The following WDR88 variants were observed in gnomAD, a reference collection of about 807,000 sequenced individuals.
WDR88 encodes WD repeat domain 88.
A neutral mutation model predicts 46.8 loss-of-function variants in WDR88; 40 were observed. The ratio of observed to expected loss-of-function variants is 0.86; its 90% CI spans 0.66 to 1.11. The LOEUF is 1.11. WDR88 is among the 50% of genes most tolerant of loss of function. The pLI, the probability that WDR88 is intolerant of heterozygous loss-of-function variation, is 0.00. For synonymous variants in WDR88, 235 were observed against 240.7 expected, an observed-to-expected ratio of 0.98 and a Z score of 0.22; for missense variants, 562 against 602.4, an observed-to-expected ratio of 0.93 and a Z score of 0.70.
chr19:33,135,658 T>C (rs1231016800), intron 1 of WDR88, among the ~76,000 whole-genome samples: 2 of 152,146 alleles, frequency 1.3e-5, no homozygotes, highest in East Asian at 3.9e-4. Flanking sequence ...CCTCAGGTGA[T>C]CCACCCACCT....
intron 2 of WDR88, 111 bp from the exon 3 acceptor site, chr19:33,144,733 C>T (rs1973475267): frequency 5.1e-6 from 5 of 978,108 alleles, no homozygotes; most frequent in Non-Finnish European, 8.0e-6. Context: ...CCTTGGAGTT[C>T]TCAGATTTTG....
At chr19:33,149,904 C>T (rs759815752) in intron 5 of WDR88, among the ~76,000 whole-genome samples, 2 of 152,042 alleles carry the variant, frequency 1.3e-5, no homozygotes, top group Non-Finnish European at 2.9e-5. Flanking sequence ...AGGTGATCTG[C>T]CCGCCTTGGT....
At chr19:33,139,790 A>G (rs1973351480) in intron 2 of WDR88, among the ~76,000 whole-genome samples, 4 of 152,116 alleles carry the variant, frequency 2.6e-5, no homozygotes, top group Admixed American at 2.6e-4. Flanking sequence ...CTTTTGTGAA[A>G]TGGAAATGGG....
At chr19:33,133,533 C>T (rs1599874550) in intron 1 of WDR88, among the ~76,000 whole-genome samples, 1 of 152,160 alleles carries the variant, frequency 6.6e-6, no homozygotes, top group Non-Finnish European at 1.5e-5. Context: ...CAAAACAAAA[C>T]AAAAACCCAA....
chr19:33,161,186 CA>C (rs940131479), intron 8 of WDR88, among the ~76,000 whole-genome samples: 1 of 151,706 alleles, frequency 6.6e-6, no homozygotes, highest in Non-Finnish European at 1.5e-5. Flanking sequence ...CAAAACAAAA[CA>C]AAACAAAAAA....
chr19:33,133,445 G>C (rs2145354645), intron 1 of WDR88, among the ~76,000 whole-genome samples: 1 of 152,218 alleles, frequency 6.6e-6, no homozygotes, highest in South Asian at 2.1e-4. Context: ...CTACTCAGGA[G>C]GCTGAGGCAG....
chr19:33,166,721 G>A (rs967343098), intron 9 of WDR88, among the ~76,000 whole-genome samples: 1 of 151,058 alleles, frequency 6.6e-6, no homozygotes, highest in Non-Finnish European at 1.5e-5. Flanking sequence ...GGACCAGCTT[G>A]GGCAACATGG....
At chr19:33,149,349 A>G (rs900552291) in intron 5 of WDR88, among the ~76,000 whole-genome samples, 1 of 151,734 alleles carries the variant, frequency 6.6e-6, no homozygotes, top group East Asian at 1.9e-4. Flanking sequence ...AACAAAAAAC[A>G]AACAAACAAA....
intron 3 of WDR88, among the ~76,000 whole-genome samples, chr19:33,146,555 C>T (rs961237374): frequency 6.6e-6 from 1 of 151,846 alleles, no homozygotes; most frequent in Non-Finnish European, 1.5e-5. Flanking sequence ...TGGAGCCTCT[C>T]CTGCCCACGC....
At chr19:33,163,052 G>A (rs1242369060) in intron 8 of WDR88, among the ~76,000 whole-genome samples, 1 of 152,032 alleles carries the variant, frequency 6.6e-6, no homozygotes, top group Non-Finnish European at 1.5e-5. Context: ...ACAAACATTA[G>A]GTGGGGTGTG....
In WDR88 at chr19:33,164,240, A is replaced by T. The variant is rs149540278; in HGVS notation, c.1124A>T (p.Lys375Met). 2.8e-5 allele frequency: 45 copies of T among 1,614,044 alleles called. No individual in the cohort carries two copies. Among genetic ancestry groups the T allele is most frequent in the Non-Finnish European group, 3.6e-5 (42 of 1,179,982 alleles). The change falls in exon 9 of 11, where the codon AAG becomes ATG. Residue 375 changes from lysine (K) to methionine (M), a missense_variant. Lys to Met is a moderately conservative substitution (Grantham distance 95). Transcript: ENST00000355868. ...WVMDVAISNN[K>M]KWILSASKDR... ...ATGGATGTTGCCATTAGCAACAACA[A>T]GAAATGGATCCTGTCTGCTTCCAAG... is the stretch of plus-strand genomic sequence containing the variant.
intron 6 of WDR88, 71 bp from the exon 7 acceptor site, chr19:33,156,284 G>A (rs1240438744): frequency 1.7e-5 from 25 of 1,496,076 alleles, no homozygotes; most frequent in East Asian, 2.3e-5. Context: ...AAATACCCCC[G>A]GCTTTAGGTA....
chr19:33,152,283 A>G (rs189854345), intron 6 of WDR88, among the ~76,000 whole-genome samples: 3 of 152,078 alleles, frequency 2.0e-5, no homozygotes, highest in African/African-American at 7.2e-5. Flanking sequence ...ATGATATTTT[A>G]ACCATTTTTA....
At chr19:33,133,314 G>C (rs750756486) in intron 1 of WDR88, among the ~76,000 whole-genome samples, 27 of 152,026 alleles carry the variant, frequency 1.8e-4, no homozygotes, top group Non-Finnish European at 3.7e-4. Flanking sequence ...TTGGGAAGCC[G>C]AGATGAGCAG....
At chr19:33,145,392 A>G (rs191745297) in intron 3 of WDR88, among the ~76,000 whole-genome samples, 3 of 150,768 alleles carry the variant, frequency 2.0e-5, no homozygotes, top group Middle Eastern at 3.5e-3. Context: ...GGCTCAAACA[A>G]TCCTGCCTTG....
In WDR88 at chr19:33,132,309, T is replaced by C. The variant is rs771109571; in HGVS notation, c.140T>C (p.Leu47Pro). 1 of 1,614,018 alleles carries C rather than the reference T, an allele frequency of 6.2e-7. No individual in the cohort carries two copies. The highest frequency in any genetic ancestry group is 1.1e-5 in the South Asian group (1 of 91,090). ...TMARALGRFK[L>P]SIPHTHLLAT... is the part of the protein sequence containing the mutation. ...GCGAGGGCCTTAGGCCGCTTCAAGCTGTCGATCCCGCACACGCACCTGCTG... is the reference window on the plus strand; with the variant it reads ...GCGAGGGCCTTAGGCCGCTTCAAGCCGTCGATCCCGCACACGCACCTGCTG... Residue 47 changes from leucine to proline, a missense_variant, in exon 1 of 11, where the codon CTG becomes CCG. Transcript: ENST00000355868.
chr19:33,152,749 C>A (rs911277687), intron 6 of WDR88, among the ~76,000 whole-genome samples: 5 of 151,768 alleles, frequency 3.3e-5, no homozygotes, highest in African/African-American at 9.7e-5. Flanking sequence ...TTACAGGCGC[C>A]CACCACCACA....
At chr19:33,173,682 T>TC (rs768085764) in intron 10 of WDR88, among the ~76,000 whole-genome samples, 26 of 152,248 alleles carry the variant, frequency 1.7e-4, no homozygotes, top group Non-Finnish European at 3.8e-4. Flanking sequence ...GTTTGGCCCT[T>TC]AAACTGTGAA....
rs1463776517 is a variant in WDR88, at chr19:33,157,603, G to A, written c.997+1061G>A. On this transcript the variant is annotated intron_variant, in intron 7 of 10. Coordinates refer to ENST00000355868, the MANE Select transcript of WDR88 (RefSeq NM_173479.4). The stretch of plus-strand genomic sequence containing the variant: ...TATATATGTATATATGTGTATATAT[G>A]TATATATATGTGTATATATATATGT... Among the ~76,000 whole-genome samples the A allele has an allele frequency of 3.2e-4, 43 of 136,094 alleles. 1 individual carries two copies. Among genetic ancestry groups the A allele is most frequent in the African/African-American group, 1.0e-3 (37 of 36,610 alleles). The allele number at this position is 136,094 out of a possible 152,430, so 89.3% of individuals were successfully genotyped here.
Sources: allele counts gnomAD v4.1 joint callset (sites outside exome capture counted in the v4.1 genomes callset), GRCh38; gene constraint gnomAD v4.1.1; transcripts MANE v1.5; gene names NCBI Gene and HGNC (gene_info 2026-07-23, HGNC 2026-07-21).